The following ZFAT variants were observed in gnomAD, a reference collection of about 807,000 sequenced individuals.
The protein encoded by ZFAT is zinc finger protein ZFAT.
A neutral mutation model predicts 117.7 loss-of-function variants in ZFAT; 64 were observed. The ratio of observed to expected loss-of-function variants is 0.54; its 90% CI spans 0.44 to 0.67. ZFAT has a LOEUF of 0.67. ZFAT is among the 30% of genes least tolerant of loss of function. The pLI is 0.00. For synonymous variants in ZFAT, 679 were observed against 615.0 expected (o/e 1.10, Z -1.54); for missense variants, 1,433 against 1,584.5 (o/e 0.90, Z 1.62).
chr8:134,701,788 A>C (rs1834014509), intron 1 of ZFAT, among the ~76,000 whole-genome samples: 1 of 152,166 alleles, frequency 6.6e-6, no homozygotes, highest in Non-Finnish European at 1.5e-5. Flanking sequence ...ATATACCACA[A>C]TTTGTTTAGC....
At chr8:134,742,071 A>G in the ZFAT span, among the ~76,000 whole-genome samples, 1 of 151,836 alleles carries the variant, frequency 6.6e-6, no homozygotes, top group Non-Finnish European at 1.5e-5. Context: ...CTGTCTTGCT[A>G]TTTCCAATCC....
chr8:134,502,532 C>T (rs1254749442), intron 15 of ZFAT, among the ~76,000 whole-genome samples: 1 of 152,232 alleles, frequency 6.6e-6, no homozygotes, highest in Non-Finnish European at 1.5e-5. Context: ...GCTACTTAAG[C>T]TCCCTCTCAG....
chr8:134,607,730 G>C (rs1828000066), intron 5 of ZFAT, among the ~76,000 whole-genome samples: 1 of 152,196 alleles, frequency 6.6e-6, no homozygotes, highest in Non-Finnish European at 1.5e-5. Context: ...CTGGCAACTG[G>C]CATTTTCTTT....
intron 14 of ZFAT, 99 bp downstream of exon 14, chr8:134,512,373 AAGT>A: frequency 6.7e-7 from 1 of 1,502,418 alleles, no homozygotes; most frequent in East Asian, 2.3e-5. Context: ...AGGGATTCGG[AAGT>A]AGATCACCTG....
At chr8:134,670,369 A>G (rs2131260931) in intron 1 of ZFAT, among the ~76,000 whole-genome samples, 1 of 152,382 alleles carries the variant, frequency 6.6e-6, no homozygotes, top group Non-Finnish European at 1.5e-5. Flanking sequence ...ACTCCTCAGC[A>G]AATGTAAAAG....
chr8:134,593,146 G>A (rs558570774), intron 7 of ZFAT, among the ~76,000 whole-genome samples: 1 of 152,290 alleles, frequency 6.6e-6, no homozygotes, highest in Admixed American at 6.5e-5. Context: ...GCCTCTCGGT[G>A]CCCGCATCAT....
chr8:134,754,175 C>T, the ZFAT span, among the ~76,000 whole-genome samples: 1 of 152,192 alleles, frequency 6.6e-6, no homozygotes, highest in Non-Finnish European at 1.5e-5. Context: ...CATCCATTAT[C>T]GCCTACAGGC....
intron 1 of ZFAT, among the ~76,000 whole-genome samples, chr8:134,687,383 T>C (rs905234087): frequency 2.0e-5 from 3 of 152,258 alleles, no homozygotes; most frequent in African/African-American, 7.2e-5. Context: ...AGTTGCATTA[T>C]AATTTTATGC....
At chr8:134,502,816 G>A (rs922386380) in intron 15 of ZFAT, among the ~76,000 whole-genome samples, 2 of 152,244 alleles carry the variant, frequency 1.3e-5, no homozygotes. Context: ...CCGGCTAAGG[G>A]CCTTCATGGG....
At chr8:134,675,697 G>A (rs1477508441) in intron 1 of ZFAT, among the ~76,000 whole-genome samples, 1 of 152,178 alleles carries the variant, frequency 6.6e-6, no homozygotes, top group Non-Finnish European at 1.5e-5. Context: ...CAGAGAGAAA[G>A]GTCGGGTTAG....
chr8:134,726,060 C>G, the ZFAT span, among the ~76,000 whole-genome samples: 1 of 152,080 alleles, frequency 6.6e-6, no homozygotes, highest in East Asian at 1.9e-4. Flanking sequence ...GTGAGTGAAA[C>G]AGACAAGAGT....
At position 134,564,937 on chromosome 8, in the gene ZFAT, A is replaced by C. The variant is rs909856661; in HGVS notation, c.2976+396T>G. On this transcript the variant is annotated intron_variant, in intron 11 of 15. Transcript: ENST00000377838. ...CCCGAACACAATCTCCAGTTTTTAC[A>C]ACTGCTTGCCGGGTGGGCTTCATCA... 9 of 1,208,890 alleles carry C rather than the reference A, an allele frequency of 7.4e-6. No individual in the cohort carries two copies. The South Asian group carries it at 1.2e-4, about 16-fold the overall frequency. 74.9% of individuals were successfully genotyped at this position (1,208,890 alleles called of 1,614,324 possible). A position where few individuals can be genotyped will look rare whatever the true frequency, so the allele number is the denominator to read the frequency against.
chr8:134,723,002 A>C, the ZFAT span: 1 of 152,290 alleles, frequency 6.6e-6, no homozygotes, highest in African/African-American at 2.4e-5. Flanking sequence ...CACCTTCTAC[A>C]AGAGAGGCCT....
At chr8:134,624,697 C>G (rs1829377793) in intron 3 of ZFAT, among the ~76,000 whole-genome samples, 1 of 152,162 alleles carries the variant, frequency 6.6e-6, no homozygotes, top group Non-Finnish European at 1.5e-5. Flanking sequence ...TCCAGCCCTA[C>G]ACTCTTAGTG....
Position 134,643,471 on chromosome 8 carries a change from T to A in ZFAT, c.197-5759A>T, listed in dbSNP as rs1830704330. Among the ~76,000 whole-genome samples, 3 of 152,330 alleles carry A rather than the reference T, an allele frequency of 2.0e-5. No individual in the cohort carries two copies. In the South Asian group the frequency reaches 6.2e-4, roughly 32 times the overall value. Reference sequence around the variant, plus strand: ...GTAAGGTACAGGAGGGTACAATGTCTAACAGGCAGTCACTATGGACTAAGG... The same window carrying A: ...GTAAGGTACAGGAGGGTACAATGTCAAACAGGCAGTCACTATGGACTAAGG... On this transcript the variant is annotated intron_variant, in intron 2 of 15. Coordinates refer to ENST00000377838, the MANE Select transcript of ZFAT (RefSeq NM_020863.4).
rs3739424 is a variant in ZFAT, at chr8:134,590,347, C to T, written c.2484G>A (p.Arg828=). 5.0e-4 allele frequency: 810 copies of T among 1,609,622 alleles called. 5 individuals carry two copies. In the East Asian group the frequency reaches 0.016, roughly 31 times the overall value. Residue 828 remains arginine (R), a synonymous_variant, in exon 8 of 16, where the codon AGG becomes AGA. Coordinates refer to ENST00000377838, the MANE Select transcript of ZFAT (RefSeq NM_020863.4). ...HLKVHTALDK[R]SYSCPVCEKS... ...TTTCACAAACAGGACAAGAATAACT[C>T]CTTTTGTCCTTAATAGAAAGAGAAC...
chr8:134,636,736 T>C (rs539922272), intron 3 of ZFAT, among the ~76,000 whole-genome samples: 1 of 152,220 alleles, frequency 6.6e-6, no homozygotes, highest in Non-Finnish European at 1.5e-5. Flanking sequence ...TGCTCCAGCG[T>C]AGCCTTGCTA....
intron 15 of ZFAT, among the ~76,000 whole-genome samples, chr8:134,488,638 G>T (rs1817823011): frequency 6.6e-6 from 1 of 152,142 alleles, no homozygotes; most frequent in African/African-American, 2.4e-5. Context: ...AGATGCTCTG[G>T]TGGAGGCTAG....
the ZFAT span, among the ~76,000 whole-genome samples, chr8:134,828,465 CTT>C: frequency 1.9e-3 from 290 of 152,284 alleles, 1 homozygote; most frequent in African/African-American, 6.6e-3. Flanking sequence ...AGCTCTTATC[CTT>C]CAAACCCCTT....
Sources: allele counts gnomAD v4.1 joint callset (sites outside exome capture counted in the v4.1 genomes callset), GRCh38; gene constraint gnomAD v4.1.1; transcripts MANE v1.5; gene names NCBI Gene and HGNC (gene_info 2026-07-23, HGNC 2026-07-21).